Variants in PHKB observed in about 807,000 individuals in gnomAD.
PHKB encodes the protein phosphorylase kinase regulatory subunit beta, also known as phosphorylase b kinase regulatory subunit beta.
In PHKB, 122 loss-of-function variants were observed where a neutral mutation model predicts 152.1. The observed-to-expected ratio is 0.80, with a 90% CI of 0.69 to 0.93. The LOEUF is 0.93. PHKB is among the 40% of genes least tolerant of loss of function. The pLI is 0.00. For synonymous variants in PHKB, 436 were observed against 464.9 expected, an observed-to-expected ratio of 0.94 and a Z score of 0.80; for missense variants, 1,304 against 1,328.4, an observed-to-expected ratio of 0.98 and a Z score of 0.29.
At position 47,512,567 on chromosome 16, in the gene PHKB, A is replaced by G. The variant is rs376172746; in HGVS notation, c.513+795A>G. Among the ~76,000 whole-genome samples the G allele has an allele frequency of 3.1e-4, 47 of 152,330 alleles. No individual in the cohort carries two copies. In the East Asian group the frequency reaches 4.6e-3, roughly 15 times the overall value. ...AGTGAAGCTAAAAACATGCCACTGA[A>G]ATGTAATTCCAAAAGGTATTTCTGA... On this transcript the variant is annotated intron_variant, in intron 5 of 30. Transcript: ENST00000323584.
intron 14 of PHKB, among the ~76,000 whole-genome samples, chr16:47,624,450 C>T (rs1246247728): frequency 1.3e-5 from 2 of 152,182 alleles, no homozygotes; most frequent in African/African-American, 2.4e-5. Context: ...TTTAATTTCT[C>T]AGAAGGGTTT....
chr16:47,529,201 G>A (rs899160400), intron 6 of PHKB: 2 of 152,038 alleles, frequency 1.3e-5, no homozygotes, highest in African/African-American at 4.8e-5. Flanking sequence ...CTTTAAAGAA[G>A]TTTCTTGGCC....
At chr16:47,637,947 A>G (rs1195364278) in intron 14 of PHKB, among the ~76,000 whole-genome samples, 2 of 152,088 alleles carry the variant, frequency 1.3e-5, no homozygotes, top group East Asian at 1.9e-4. Flanking sequence ...GTGTCCTCAC[A>G]TGATGGAAAG....
chr16:47,490,636 A>G (rs1409351657), intron 1 of PHKB, among the ~76,000 whole-genome samples: 1 of 152,218 alleles, frequency 6.6e-6, no homozygotes, highest in Non-Finnish European at 1.5e-5. Context: ...TGATTTTGGG[A>G]AGCCTGTTAA....
At chr16:47,511,847 C>T (rs1057355029) in intron 5 of PHKB, 75 bp downstream of exon 5, 14 of 990,726 alleles carry the variant, frequency 1.4e-5, no homozygotes, top group Admixed American at 1.4e-4. Flanking sequence ...TTTTTGGCAC[C>T]AGGGACTAGT....
At chr16:47,478,042 A>G (rs1217888362) in intron 1 of PHKB, among the ~76,000 whole-genome samples, 4 of 152,208 alleles carry the variant, frequency 2.6e-5, no homozygotes, top group African/African-American at 9.6e-5. Context: ...TGCCATCTAG[A>G]GTAAGTTTCA....
Position 47,655,929 on chromosome 16 carries a change from A to G in PHKB, c.1972-4577A>G, listed in dbSNP as rs182635782. Among the ~76,000 whole-genome samples the G allele has an allele frequency of 1.4e-3, 212 of 152,182 alleles. 1 individual carries two copies. Among genetic ancestry groups the G allele is most frequent in the Non-Finnish European group, 9.7e-4 (66 of 68,008 alleles). On this transcript the variant is annotated intron_variant, in intron 20 of 30. Coordinates refer to ENST00000323584, the MANE Select transcript of PHKB (RefSeq NM_000293.3). ...AGCAGAGTTTAATGTCTACTTCACT[A>G]CCTATCTCATTTTCCCATTTTTAGT...
chr16:47,472,032 G>A (rs1015383876), intron 1 of PHKB, among the ~76,000 whole-genome samples: 6 of 152,110 alleles, frequency 3.9e-5, no homozygotes, highest in Non-Finnish European at 7.4e-5. Context: ...CTCCAGCCTG[G>A]GTGACAGAGA....
chr16:47,516,200 A>G (rs554037351), intron 6 of PHKB, among the ~76,000 whole-genome samples: 1 of 152,284 alleles, frequency 6.6e-6, no homozygotes, highest in East Asian at 1.9e-4. Context: ...TGCTGGGATT[A>G]CAGGAGTGAG....
chr16:47,572,787 G>A (rs1971684483), intron 7 of PHKB, among the ~76,000 whole-genome samples: 1 of 152,192 alleles, frequency 6.6e-6, no homozygotes, highest in South Asian at 2.1e-4. Context: ...ACAGGCCCAA[G>A]GCCTCCTGAG....
chr16:47,647,614 C>T (rs1016946797), intron 16 of PHKB, among the ~76,000 whole-genome samples: 2 of 150,518 alleles, frequency 1.3e-5, no homozygotes, highest in Non-Finnish European at 1.5e-5. Context: ...TTTCCTTTCT[C>T]AGCCTCCCTA....
At chr16:47,533,913 C>T (rs1970906909) in intron 6 of PHKB, among the ~76,000 whole-genome samples, 1 of 152,188 alleles carries the variant, frequency 6.6e-6, no homozygotes, top group Non-Finnish European at 1.5e-5. Context: ...GGGCTCCTGC[C>T]TGCTCTGTGG....
chr16:47,532,774 C>A (rs1214819799), intron 6 of PHKB, among the ~76,000 whole-genome samples: 1 of 152,206 alleles, frequency 6.6e-6, no homozygotes, highest in East Asian at 1.9e-4. Flanking sequence ...CTGGGCTCCC[C>A]AAAGGGCCAC....
intron 8 of PHKB, among the ~76,000 whole-genome samples, chr16:47,583,251 A>G (rs1366224685): frequency 2.0e-5 from 3 of 152,236 alleles, no homozygotes; most frequent in Non-Finnish European, 4.4e-5. Flanking sequence ...GACTTTGAAA[A>G]TGTTACTATT....
chr16:47,465,707 A>G (rs943221983), intron 1 of PHKB, among the ~76,000 whole-genome samples: 1 of 152,190 alleles, frequency 6.6e-6, no homozygotes, highest in Non-Finnish European at 1.5e-5. Flanking sequence ...TGTGTTTTGA[A>G]TGTGGCCTGT....
chr16:47,659,638 TA>T (rs2151736227), intron 20 of PHKB, among the ~76,000 whole-genome samples: 1 of 152,156 alleles, frequency 6.6e-6, no homozygotes, highest in African/African-American at 2.4e-5. Flanking sequence ...TTATGGAAAA[TA>T]AAATGGCCAA....
chr16:47,502,812 T>G (rs1448536238), intron 3 of PHKB, among the ~76,000 whole-genome samples, 179 bp from the exon 4 acceptor site: 1 of 152,202 alleles, frequency 6.6e-6, no homozygotes, highest in Non-Finnish European at 1.5e-5. Flanking sequence ...ATCATAGGAT[T>G]TTTTTTTCAT....
At chr16:47,500,863 G>C (rs963118303) in intron 3 of PHKB, among the ~76,000 whole-genome samples, 1 of 152,084 alleles carries the variant, frequency 6.6e-6, no homozygotes, top group Non-Finnish European at 1.5e-5. Flanking sequence ...TCCTGAAAGC[G>C]ATCCATAGTT....
intron 13 of PHKB, among the ~76,000 whole-genome samples, chr16:47,600,312 A>G (rs1972198942): frequency 1.3e-5 from 2 of 152,184 alleles, no homozygotes; most frequent in South Asian, 4.1e-4. Flanking sequence ...TAAAATTTAT[A>G]CTTTTAGAAA....
Sources: gnomAD v4.1 joint callset for allele counts (sites outside exome capture counted in the v4.1 genomes callset) on GRCh38, gnomAD v4.1.1 for gene constraint, MANE v1.5 for transcripts, NCBI Gene and HGNC (gene_info 2026-07-23, HGNC 2026-07-21) for gene names.